FOXP4: variants seen among roughly 807,000 people sequenced by gnomAD.
FOXP4 encodes the protein forkhead box P4.
A neutral mutation model predicts 82.6 loss-of-function variants in FOXP4; 25 were observed. The ratio of observed to expected loss-of-function variants is 0.30; its 90% confidence interval spans 0.22 to 0.42. FOXP4 has a LOEUF of 0.42. FOXP4 is among the 10% of genes least tolerant of loss of function. FOXP4 has a pLI of 1.00. For missense variants in FOXP4, 785 were observed against 900.9 expected (o/e 0.87, Z 1.65); for synonymous variants, 415 against 388.2 (o/e 1.07, Z -0.81).
chr6:41,561,089 G>T (rs761924179), intron 1 of FOXP4, among the ~76,000 whole-genome samples: 4 of 152,230 alleles, frequency 2.6e-5, no homozygotes, highest in Non-Finnish European at 5.9e-5. Flanking sequence ...GGGGAAGTGG[G>T]AGCCCCCAGC....
At chr6:41,554,888 A>T (rs1026050821) in intron 1 of FOXP4, among the ~76,000 whole-genome samples, 1 of 151,950 alleles carries the variant, frequency 6.6e-6, no homozygotes, top group Non-Finnish European at 1.5e-5. Context: ...CAGGGTCTGT[A>T]CAAGAAGATC....
At chr6:41,595,554 TTTTA>T (rs1305280220) in intron 14 of FOXP4, among the ~76,000 whole-genome samples, 5 of 152,192 alleles carry the variant, frequency 3.3e-5, no homozygotes, top group Non-Finnish European at 5.9e-5. Flanking sequence ...CCACCTGGCA[TTTTA>T]TTTATTTACT....
Position 41,598,824 on chromosome 6 carries a change from C to A in FOXP4, c.1931C>A (p.Ala644Glu), listed in dbSNP as rs746029819. 6.4e-7 allele frequency: 1 copy of A among 1,573,368 alleles called. No individual in the cohort carries two copies. Among genetic ancestry groups the A allele is most frequent in the Non-Finnish European group, 8.6e-7 (1 of 1,159,772 alleles). ...QVQVKEEPAE[A>E]EEDRQPGPPL... ...CAGGTGAAGGAGGAGCCAGCAGAGG[C>A]AGAGGAAGACAGGCAGCCCGGGCCT... Residue 644 changes from alanine (A) to glutamate (E), a missense_variant, in exon 17 of 17, where the codon GCA (alanine) becomes GAA (glutamate). Ala to Glu is a moderately radical substitution (Grantham distance 107). Coordinates refer to ENST00000307972, the MANE Select transcript of FOXP4 (RefSeq NM_001012426.2).
rs1766014269 is a variant in FOXP4, at chr6:41,584,901, G to T, written c.423+10G>T. 6.2e-7 allele frequency: 1 copy of T among 1,604,604 alleles called. No homozygotes were observed. Among genetic ancestry groups the T allele is most frequent in the Non-Finnish European group, 8.5e-7 (1 of 1,176,106 alleles). Reference sequence around the variant, plus strand: ...CCTCATGCTCCAGCAGGTGAGTCTGGCCCCAGGGCAGCTGGTCCCTCCTCC... The same window carrying T: ...CCTCATGCTCCAGCAGGTGAGTCTGTCCCCAGGGCAGCTGGTCCCTCCTCC... On this transcript the variant is annotated intron_variant, in intron 4 of 16. Coordinates refer to ENST00000307972, the MANE Select transcript of FOXP4 (RefSeq NM_001012426.2).
intron 15 of FOXP4, 98 bp from the exon 16 acceptor site, chr6:41,597,683 A>T: frequency 6.9e-7 from 1 of 1,442,642 alleles, no homozygotes; most frequent in East Asian, 2.5e-5. Flanking sequence ...AGGCAGACAC[A>T]CAGGCAGCTC....
intron 16 of FOXP4, 55 bp from the exon 17 acceptor site, chr6:41,598,734 G>A: frequency 6.5e-7 from 1 of 1,548,174 alleles, no homozygotes; most frequent in South Asian, 1.2e-5. Flanking sequence ...GGGGGCAGGG[G>A]GCAGAGGGCA....
intron 2 of FOXP4, among the ~76,000 whole-genome samples, chr6:41,577,712 A>G (rs1344301239): frequency 1.3e-5 from 2 of 152,058 alleles, no homozygotes; most frequent in Non-Finnish European, 2.9e-5. Context: ...CTTTTTGACC[A>G]TGGGCCCTTC....
intron 1 of FOXP4, among the ~76,000 whole-genome samples, chr6:41,565,238 T>A (rs879815526): frequency 4.6e-5 from 7 of 152,114 alleles, no homozygotes; most frequent in Non-Finnish European, 8.8e-5. Flanking sequence ...CAGGCACCTG[T>A]AATCCTAGCT....
chr6:41,597,704 G>T, intron 15 of FOXP4, 77 bp from the exon 16 acceptor site: 1 of 1,513,822 alleles, frequency 6.6e-7, no homozygotes, highest in South Asian at 1.2e-5. Flanking sequence ...TCTAGTGGGC[G>T]GGGAAGGCAC....
chr6:41,598,843 C>A lies in FOXP4; in HGVS notation c.1950C>A (p.Pro650=), dbSNP rs375063628. The A allele has an allele frequency of 1.3e-6, 2 of 1,583,180 alleles. No homozygotes were observed. The highest frequency in any genetic ancestry group is 2.3e-5 in the East Asian group (1 of 43,842). The change falls in exon 17 of 17, where the codon CCC becomes CCA. Residue 650 remains proline (P), a synonymous_variant. Transcript: ENST00000307972. ...EPAEAEEDRQ[P]GPPLGAPNPS... Reference sequence around the variant, plus strand: ...CAGAGGCAGAGGAAGACAGGCAGCCCGGGCCTCCCCTGGGCGCCCCTAACC... The same window carrying A: ...CAGAGGCAGAGGAAGACAGGCAGCCAGGGCCTCCCCTGGGCGCCCCTAACC...
In FOXP4 at chr6:41,588,636, C is replaced by T. The variant is rs368855665; in HGVS notation, c.978-8C>T. The T allele has an allele frequency of 9.7e-5, 156 of 1,613,890 alleles. No homozygotes were observed. The highest frequency in any genetic ancestry group is 1.2e-4 in the Non-Finnish European group (144 of 1,179,962). On this transcript the variant is annotated splice_region_variant and splice_polypyrimidine_tract_variant and intron_variant, in intron 8 of 16. Transcript: ENST00000307972. ...CCAACTTTCTCTCCTCCTCTCTTCC[C>T]CTTGAAGACACCTCAACACAGAGCA...
rs1315736794 is a variant in FOXP4 at position 41,558,250 on chromosome 6, G to A, written c.-16-7495G>A. On this transcript the variant is annotated intron_variant, in intron 1 of 16. Transcript: ENST00000307972. The surrounding 1 kb of genome is among the most constrained non-coding windows in gnomAD (Gnocchi z 4.0). ...ACTGCTGGCACGATCAGGGAGCCAA[G>A]CAGTGCGTGACTCACATCACCCACC... 7.2e-5 allele frequency among the ~76,000 whole-genome samples: 11 copies of A among 152,214 alleles called. No individual in the cohort carries two copies. Among genetic ancestry groups the A allele is most frequent in the Non-Finnish European group, 2.9e-5 (2 of 68,034 alleles).
chr6:41,582,041 C>T (rs1019796886), intron 3 of FOXP4, among the ~76,000 whole-genome samples: 1 of 152,218 alleles, frequency 6.6e-6, no homozygotes, highest in African/African-American at 2.4e-5. Flanking sequence ...TGCCTTGGTC[C>T]TCAGTGACCT....
intron 1 of FOXP4, among the ~76,000 whole-genome samples, chr6:41,559,923 C>A (rs1275292769): frequency 5.3e-5 from 8 of 152,322 alleles, no homozygotes; most frequent in African/African-American, 1.4e-4. Context: ...TCCAAGGTAA[C>A]TTTGATGCAC....
intron 1 of FOXP4, among the ~76,000 whole-genome samples, chr6:41,560,419 A>G (rs777451737): frequency 6.6e-6 from 1 of 152,192 alleles, no homozygotes; most frequent in Non-Finnish European, 1.5e-5. Context: ...ACTGGAAACG[A>G]TATCTTATTT....
chr6:41,582,905 T>C (rs1444448149), intron 3 of FOXP4, among the ~76,000 whole-genome samples: 1 of 152,082 alleles, frequency 6.6e-6, no homozygotes, highest in African/African-American at 2.4e-5. Flanking sequence ...GCAGGCAGCA[T>C]AGGATGTGAA....
In FOXP4 at chr6:41,591,598, C is replaced by T. The variant is rs548302876; in HGVS notation, c.1536+276C>T. Among the ~76,000 whole-genome samples, 1 of 152,166 alleles carries T rather than the reference C, an allele frequency of 6.6e-6. No homozygotes were observed. Among genetic ancestry groups the T allele is most frequent in the African/African-American group, 2.4e-5 (1 of 41,438 alleles). ...GGTACACCCCCAAGGGCCCCAAAGACGCCAGCCCCACGAGGTAGGGCCTCT... is the reference window on the plus strand; with the variant it reads ...GGTACACCCCCAAGGGCCCCAAAGATGCCAGCCCCACGAGGTAGGGCCTCT... On this transcript the variant is annotated intron_variant, in intron 13 of 16. Coordinates refer to ENST00000307972, the MANE Select transcript of FOXP4 (RefSeq NM_001012426.2). This position sits in a 1 kb window ranked among gnomAD's most constrained non-coding sequence, Gnocchi z 4.2.
At chr6:41,598,624 T>G in intron 16 of FOXP4, 165 bp from the exon 17 acceptor site, 2 of 986,650 alleles carry the variant, frequency 2.0e-6, no homozygotes, top group Non-Finnish European at 2.9e-6. Context: ...CAGCTTTTCT[T>G]TGAAGAGAGC....
intron 1 of FOXP4, among the ~76,000 whole-genome samples, chr6:41,555,762 G>A (rs1581702778): frequency 6.6e-6 from 1 of 152,226 alleles, no homozygotes; most frequent in South Asian, 2.1e-4. Context: ...TAATTAGGGA[G>A]TAATTTAATT....
Sources: allele counts gnomAD v4.1 joint callset (sites outside exome capture counted in the v4.1 genomes callset), GRCh38; gene constraint gnomAD v4.1.1; non-coding constraint Gnocchi (gnomAD v3.1); transcripts MANE v1.5; gene names NCBI Gene and HGNC (gene_info 2026-07-23, HGNC 2026-07-21).